Variants in PPP2R2B observed in about 807,000 individuals in gnomAD.
PPP2R2B encodes serine/threonine-protein phosphatase 2A 55 kDa regulatory subunit B beta isoform.
A neutral mutation model predicts 46.0 loss-of-function variants in PPP2R2B; 5 were observed. The ratio of observed to expected loss-of-function variants is 0.11; its 90% CI spans 0.06 to 0.23. The LOEUF (loss-of-function observed/expected upper bound fraction) is 0.23, where lower values mean the gene tolerates loss of function less well. Ranked by LOEUF, PPP2R2B falls within the 10% of genes least tolerant of loss-of-function variation. The pLI, the probability that PPP2R2B is intolerant of heterozygous loss-of-function variation, is 1.00. For synonymous variants in PPP2R2B, 215 were observed against 206.7 expected (o/e 1.04, Z -0.34); for missense variants, 367 against 575.0 (o/e 0.64, Z 3.70).
rs78612376 is a variant in PPP2R2B, at chr5:146,852,760, C to T, written c.70+25242G>A. Among the ~76,000 whole-genome samples, 1,337 of 152,178 alleles carry T rather than the reference C, an allele frequency of 8.8e-3. 24 individuals are homozygous for T. Among genetic ancestry groups the T allele is most frequent in the African/African-American group, 0.031 (1,279 of 41,524 alleles). ...TATAGACGGTCCTAAGTTCACAATA[C>T]GATGGCTGATTAGAGTACAGATAAA... On this transcript the variant is annotated intron_variant, in intron 2 of 9. Coordinates refer to ENST00000394411, the MANE Select transcript of PPP2R2B (RefSeq NM_181675.4).
intron 2 of PPP2R2B, among the ~76,000 whole-genome samples, chr5:146,831,102 A>C (rs1758899486): frequency 6.6e-6 from 1 of 152,170 alleles, no homozygotes; most frequent in Non-Finnish European, 1.5e-5. Context: ...CTCAATCATG[A>C]TAATAAATGA....
chr5:146,914,241 T>C (rs1244432270), intron 1 of PPP2R2B: 4 of 152,218 alleles, frequency 2.6e-5, no homozygotes, highest in African/African-American at 9.6e-5. Context: ...ACATTTTCTT[T>C]TCCCGTTAAA....
At chr5:146,903,048 G>A (rs908744125) in intron 1 of PPP2R2B, among the ~76,000 whole-genome samples, 7 of 152,282 alleles carry the variant, frequency 4.6e-5, no homozygotes, top group African/African-American at 1.4e-4. Flanking sequence ...ACAACAGACT[G>A]CAGAAGCACA....
chr5:146,877,950 T>G, intron 2 of PPP2R2B, 52 bp downstream of exon 2: 1 of 1,580,966 alleles, frequency 6.3e-7, no homozygotes, highest in Non-Finnish European at 8.6e-7. Flanking sequence ...AGCACAGTGA[T>G]CCGCAACTTG....
intron 1 of PPP2R2B, among the ~76,000 whole-genome samples, chr5:146,956,864 A>C (rs775895755): frequency 2.6e-5 from 4 of 152,160 alleles, no homozygotes; most frequent in Non-Finnish European, 4.4e-5. Flanking sequence ...TGGTGGAAAG[A>C]GCAAGGGAAC....
At chr5:146,899,124 G>A (rs1166239721) in intron 1 of PPP2R2B, among the ~76,000 whole-genome samples, 1 of 150,396 alleles carries the variant, frequency 6.6e-6, no homozygotes, top group African/African-American at 2.5e-5. Flanking sequence ...CCATTACTGG[G>A]TATATACCCA....
At chr5:146,788,122 C>T (rs765966442) in intron 2 of PPP2R2B, among the ~76,000 whole-genome samples, 12 of 152,018 alleles carry the variant, frequency 7.9e-5, no homozygotes, top group Non-Finnish European at 1.3e-4. Context: ...TGAGCATTTG[C>T]GCAAGTTGCC....
Position 146,663,998 on chromosome 5 carries a change from C to A in PPP2R2B, c.448-13274G>T, listed in dbSNP as rs555690973. On this transcript the variant is annotated intron_variant, in intron 5 of 9. Transcript: ENST00000394411. ...CTGGGATTACAGGCACGTGCCACCACGCCTGGGTAATTTTTGTATTTTTAG... is the reference window on the plus strand; with the variant it reads ...CTGGGATTACAGGCACGTGCCACCAAGCCTGGGTAATTTTTGTATTTTTAG... 1.2e-4 allele frequency among the ~76,000 whole-genome samples: 19 copies of A among 152,180 alleles called. No individual in the cohort carries two copies. In the South Asian group the frequency reaches 2.3e-3, roughly 18 times the overall value.
intron 7 of PPP2R2B, among the ~76,000 whole-genome samples, chr5:146,618,673 G>C (rs1194477617): frequency 6.6e-6 from 1 of 152,134 alleles, no homozygotes; most frequent in Admixed American, 6.5e-5. Context: ...AGGCCAGAGC[G>C]GGCTGCTTCT....
chr5:146,603,271 C>T (rs1034914273), intron 7 of PPP2R2B, among the ~76,000 whole-genome samples: 12 of 152,142 alleles, frequency 7.9e-5, no homozygotes, highest in Non-Finnish European at 1.3e-4. Flanking sequence ...ACAGAACCTG[C>T]GGACTATTTG....
chr5:146,652,047 G>A (rs1561805096), intron 5 of PPP2R2B, among the ~76,000 whole-genome samples: 1 of 152,092 alleles, frequency 6.6e-6, no homozygotes, highest in Non-Finnish European at 1.5e-5. Flanking sequence ...AAGGGTCAGG[G>A]GTCCTCTGAA....
chr5:146,741,423 T>C (rs1752869610), intron 2 of PPP2R2B, among the ~76,000 whole-genome samples: 1 of 152,198 alleles, frequency 6.6e-6, no homozygotes, highest in Non-Finnish European at 1.5e-5. Context: ...AATTATGAAC[T>C]GACAGTGCTG....
chr5:146,856,385 A>G lies in PPP2R2B; in HGVS notation c.70+21617T>C, dbSNP rs901431494. On this transcript the variant is annotated intron_variant, in intron 2 of 9. Coordinates refer to ENST00000394411, the MANE Select transcript of PPP2R2B (RefSeq NM_181675.4). Reference sequence around the variant, plus strand: ...ATTTTAAGCAACTGGAACTATTTAAAAAATGTAAATTAACTTGTGTCCCAC... The same window carrying G: ...ATTTTAAGCAACTGGAACTATTTAAGAAATGTAAATTAACTTGTGTCCCAC... 9 of 776,118 alleles carry G rather than the reference A, an allele frequency of 1.2e-5. No homozygotes were observed. In the Admixed American group the frequency reaches 1.5e-4, roughly 13 times the overall value. 48.1% of individuals were successfully genotyped at this position (776,118 alleles called of 1,614,324 possible).
At chr5:146,920,806 T>G (rs926449410) in intron 1 of PPP2R2B, among the ~76,000 whole-genome samples, 1 of 152,192 alleles carries the variant, frequency 6.6e-6, no homozygotes, top group Admixed American at 6.5e-5. Context: ...TGGGTACGTC[T>G]GCAGTATCCC....
At chr5:146,896,914 G>C (rs1762662746) in intron 1 of PPP2R2B, among the ~76,000 whole-genome samples, 1 of 152,108 alleles carries the variant, frequency 6.6e-6, no homozygotes. Context: ...AAGTGGACCA[G>C]CTAAGAAATG....
intron 2 of PPP2R2B, among the ~76,000 whole-genome samples, chr5:146,721,922 TA>T (rs1393862453): frequency 6.6e-6 from 1 of 152,224 alleles, no homozygotes; most frequent in Non-Finnish European, 1.5e-5. Flanking sequence ...GGAACACTAC[TA>T]ATATAGATGT....
chr5:146,862,513 A>G (rs561792), intron 2 of PPP2R2B, among the ~76,000 whole-genome samples: 3,686 of 152,216 alleles, frequency 0.024, 171 homozygotes, highest in African/African-American at 0.084. Flanking sequence ...GTGGTGATCA[A>G]ACAACTTGAG....
Position 146,878,724 on chromosome 5 carries a change from CGCAGCTGCTGCTGCTGCTGCT to C in PPP2R2B, c.-279_-259del. ...ACCCTCACACCCACACGCGCGCACT[CGCAGCTGCTGCTGCTGCTGCT>C]GCTGCTGCTGCTGCAGGAGGCTGGA... On this transcript the variant is annotated 5_prime_UTR_variant, in exon 1 of 10. Transcript: ENST00000394411. This position sits in a 1 kb window ranked among gnomAD's most constrained non-coding sequence, Gnocchi z 4.5. 2 of 750,396 alleles carry C rather than the reference CGCAGCTGCTGCTGCTGCTGCT, an allele frequency of 2.7e-6. No individual in the cohort carries two copies. The highest frequency in any genetic ancestry group is 3.3e-6 in the Non-Finnish European group (2 of 602,020). The allele number at this position is 750,396 out of a possible 1,614,324, so 46.5% of individuals were successfully genotyped here. A position where few individuals can be genotyped will look rare whatever the true frequency, so the allele number is the denominator to read the frequency against.
At chr5:147,009,221 G>C (rs1754598462) in intron 1 of PPP2R2B, among the ~76,000 whole-genome samples, 1 of 152,042 alleles carries the variant, frequency 6.6e-6, no homozygotes, top group Non-Finnish European at 1.5e-5. Context: ...TCTTTACCCT[G>C]GCTTGGAAAA....
Sources: allele counts gnomAD v4.1 joint callset (sites outside exome capture counted in the v4.1 genomes callset), GRCh38; gene constraint gnomAD v4.1.1; non-coding constraint Gnocchi (gnomAD v3.1); transcripts MANE v1.5; gene names NCBI Gene and HGNC (gene_info 2026-07-23, HGNC 2026-07-21).